The following DGKI variants were observed in gnomAD, a reference collection of about 807,000 sequenced individuals.
DGKI encodes diacylglycerol kinase iota.
A neutral mutation model predicts 147.5 loss-of-function variants in DGKI; 55 were observed. That is an observed-to-expected ratio of 0.37 (90% CI 0.30 to 0.47). The LOEUF (loss-of-function observed/expected upper bound fraction) is 0.47. Among genes scored for constraint, DGKI ranks in the 20% least tolerant of loss-of-function variants. The probability of loss-of-function intolerance (pLI) is 1.00; values close to 1 mark genes in which losing one functional copy is unlikely to be tolerated. For synonymous variants in DGKI, 469 were observed against 477.1 expected (o/e 0.98, Z 0.22); for missense variants, 1,007 against 1,323.8 (o/e 0.76, Z 3.71).
At chr7:137,816,847 A>C (rs1797751643) in intron 1 of DGKI, among the ~76,000 whole-genome samples, 1 of 152,188 alleles carries the variant, frequency 6.6e-6, no homozygotes, top group South Asian at 2.1e-4. Context: ...AGATCCGAAG[A>C]AGGGAGTCTC....
intron 21 of DGKI, among the ~76,000 whole-genome samples, chr7:137,489,656 C>A (rs1231724403): frequency 6.6e-6 from 1 of 151,944 alleles, no homozygotes; most frequent in Non-Finnish European, 1.5e-5. Flanking sequence ...GGAATTTTGA[C>A]ATAGATAATA....
In DGKI at chr7:137,645,526, A is replaced by G; in HGVS notation, c.750T>C (p.Arg250=). The change falls in exon 6 of 33, where the codon CGT becomes CGC. Residue 250 remains arginine (R), a synonymous_variant. Transcript: ENST00000614521. ...GCCGACGCCTGTGCACCCAGTGATGACGTACAAAATTCTGTGGGAAAACAA... is the reference window on the plus strand; with the variant it reads ...GCCGACGCCTGTGCACCCAGTGATGGCGTACAAAATTCTGTGGGAAAACAA... ...GSRSPRENFV[R]HHWVHRRRQE... is the part of the protein sequence containing the mutation. 1 of 1,610,914 alleles carries G rather than the reference A, an allele frequency of 6.2e-7. No individual in the cohort carries two copies. The highest frequency in any genetic ancestry group is 8.5e-7 in the Non-Finnish European group (1 of 1,178,332).
At chr7:137,495,635 C>A (rs898362217) in intron 21 of DGKI, among the ~76,000 whole-genome samples, 2 of 151,662 alleles carry the variant, frequency 1.3e-5, no homozygotes, top group Admixed American at 6.6e-5. Flanking sequence ...TTTATCCCTG[C>A]GATGCAAGGT....
At chr7:137,828,753 T>A (rs923467366) in intron 1 of DGKI, among the ~76,000 whole-genome samples, 3 of 152,224 alleles carry the variant, frequency 2.0e-5, no homozygotes, top group African/African-American at 7.2e-5. Context: ...CACAGCTTCC[T>A]AAGGTCTCTC....
chr7:137,679,278 TTG>T (rs1823146387), intron 2 of DGKI, among the ~76,000 whole-genome samples: 1 of 152,230 alleles, frequency 6.6e-6, no homozygotes, highest in Admixed American at 6.5e-5. Context: ...CTAAATGTTA[TTG>T]CTTCTAAAAA....
chr7:137,723,698 CCTTT>C (rs1394076426), intron 1 of DGKI, among the ~76,000 whole-genome samples: 71 of 140,444 alleles, frequency 5.1e-4, no homozygotes, highest in African/African-American at 1.8e-3. Context: ...TCATGATATC[CCTTT>C]TTTTTTTTTT....
chr7:137,726,419 C>T (rs1794718214), intron 1 of DGKI, among the ~76,000 whole-genome samples: 1 of 152,136 alleles, frequency 6.6e-6, no homozygotes, highest in Non-Finnish European at 1.5e-5. Context: ...CTCATGGTCA[C>T]TATTCTGAGA....
At chr7:137,604,428 T>C (rs1048779273) in intron 10 of DGKI, among the ~76,000 whole-genome samples, 1 of 152,210 alleles carries the variant, frequency 6.6e-6, no homozygotes, top group Non-Finnish European at 1.5e-5. Context: ...TGTCTTCCCC[T>C]TCTCCCCACC....
At chr7:137,722,427 G>A (rs530631184) in intron 1 of DGKI, 1 of 1,611,652 alleles carries the variant, frequency 6.2e-7, no homozygotes, top group South Asian at 1.1e-5. Flanking sequence ...TTACCCCCGG[G>A]ACCATTCTGA....
At chr7:137,656,683 C>T (rs1585335947) in intron 3 of DGKI, 143 bp from the exon 4 acceptor site, 1 of 783,608 alleles carries the variant, frequency 1.3e-6, no homozygotes, top group Non-Finnish European at 2.0e-6. Context: ...AAATTTAAAA[C>T]TTCATCTTAA....
chr7:137,516,233 GC>G (rs1816740927), intron 21 of DGKI, among the ~76,000 whole-genome samples: 1 of 152,050 alleles, frequency 6.6e-6, no homozygotes, highest in Admixed American at 6.6e-5. Flanking sequence ...TGATGTTGGA[GC>G]TTTAAAAACT....
chr7:137,734,072 G>A (rs1391645881), intron 1 of DGKI, among the ~76,000 whole-genome samples: 1 of 152,114 alleles, frequency 6.6e-6, no homozygotes, highest in Non-Finnish European at 1.5e-5. Context: ...GTGGTAGGCA[G>A]TCTCTCAAAG....
chr7:137,427,821 G>A (rs1317831868), intron 28 of DGKI, among the ~76,000 whole-genome samples: 11 of 152,208 alleles, frequency 7.2e-5, no homozygotes, highest in East Asian at 1.9e-4. Context: ...CAAATTCCTC[G>A]ACACATACAC....
chr7:137,680,174 T>C (rs895372907), intron 2 of DGKI, among the ~76,000 whole-genome samples: 1 of 151,840 alleles, frequency 6.6e-6, no homozygotes, highest in Non-Finnish European at 1.5e-5. Context: ...GAAAAAGCCA[T>C]GTGAGCACAC....
chr7:137,381,403 C>T lies in DGKI; in HGVS notation c.*9817G>A, dbSNP rs1275449892. ...AGCTGCTACTTGTTTATGGATTCCACCTGCCAGCTGGCAGCTTTGCAAAAG... is the reference window on the plus strand; with the variant it reads ...AGCTGCTACTTGTTTATGGATTCCATCTGCCAGCTGGCAGCTTTGCAAAAG... On this transcript the variant is annotated 3_prime_UTR_variant, in exon 33 of 33. Coordinates refer to ENST00000614521, the MANE Select transcript of DGKI (RefSeq NM_001321708.2). 6.7e-6 allele frequency: 1 copy of T among 149,354 alleles called. No individual in the cohort carries two copies. The highest frequency in any genetic ancestry group is 2.0e-4 in the East Asian group (1 of 4,984). The allele number at this position is 149,354 out of a possible 1,614,324, so 9.3% of individuals were successfully genotyped here. A position where few individuals can be genotyped will look rare whatever the true frequency, so the allele number is the denominator to read the frequency against.
intron 24 of DGKI, 65 bp from the exon 25 acceptor site, chr7:137,467,007 T>C: frequency 6.6e-7 from 1 of 1,514,186 alleles, no homozygotes; most frequent in African/African-American, 1.4e-5. Context: ...ATTTATAACC[T>C]TCTCTTCGAC....
chr7:137,541,331 T>C (rs1263645609), intron 20 of DGKI, among the ~76,000 whole-genome samples: 2 of 152,204 alleles, frequency 1.3e-5, no homozygotes, highest in African/African-American at 4.8e-5. Flanking sequence ...CAACCACAGG[T>C]TGAAAATATT....
At chr7:137,627,528 T>G (rs1820985278) in intron 6 of DGKI, among the ~76,000 whole-genome samples, 1 of 152,182 alleles carries the variant, frequency 6.6e-6, no homozygotes, top group Non-Finnish European at 1.5e-5. Flanking sequence ...CTGAAAATGT[T>G]TCCTCACAGC....
chr7:137,726,834 C>A (rs1458090318), intron 1 of DGKI, among the ~76,000 whole-genome samples: 1 of 152,172 alleles, frequency 6.6e-6, no homozygotes, highest in Non-Finnish European at 1.5e-5. Context: ...TGATATATCA[C>A]TTCTTCTGTT....
Sources: gnomAD v4.1 joint callset for allele counts (sites outside exome capture counted in the v4.1 genomes callset) on GRCh38, gnomAD v4.1.1 for gene constraint, MANE v1.5 for transcripts, NCBI Gene and HGNC (gene_info 2026-07-23, HGNC 2026-07-21) for gene names.